The following IL7 variants were observed in gnomAD, a reference collection of about 807,000 sequenced individuals.
The protein encoded by IL7 is interleukin 7, also known as interleukin-7.
A neutral mutation model predicts 21.6 loss-of-function variants in IL7; 3 were observed. That is an observed-to-expected ratio of 0.14 (90% CI 0.06 to 0.36). The LOEUF (loss-of-function observed/expected upper bound fraction) is 0.36, where lower values mean the gene tolerates loss of function less well. Among genes scored for constraint, IL7 ranks in the 10% least tolerant of loss-of-function variants. The pLI is 1.00. For missense variants in IL7, 175 were observed against 200.2 expected (o/e 0.87, Z 0.76); for synonymous variants, 62 against 68.1 (o/e 0.91, Z 0.44).
At chr8:78,759,556 G>A (rs1425841925) in intron 2 of IL7, among the ~76,000 whole-genome samples, 1 of 152,122 alleles carries the variant, frequency 6.6e-6, no homozygotes, top group Non-Finnish European at 1.5e-5. Flanking sequence ...AAACAGCAAT[G>A]AGATGTGGAA....
intron 2 of IL7, chr8:78,760,510 T>C: frequency 1.3e-6 from 2 of 1,538,040 alleles, no homozygotes; most frequent in South Asian, 1.3e-5. Context: ...GAAGCTCAGC[T>C]GACAGCGTGT....
intron 2 of IL7, among the ~76,000 whole-genome samples, chr8:78,752,784 C>T (rs1383869655): frequency 6.6e-6 from 1 of 152,080 alleles, no homozygotes; most frequent in Non-Finnish European, 1.5e-5. Flanking sequence ...GTGATGTTCC[C>T]CTCCCTGTGC....
At chr8:78,745,406 G>T (rs192899921) in intron 2 of IL7, among the ~76,000 whole-genome samples, 8 of 152,122 alleles carry the variant, frequency 5.3e-5, no homozygotes, top group Admixed American at 2.6e-4. Flanking sequence ...TTCATTTCTG[G>T]TTTTTATTTT....
At chr8:78,780,178 C>T (rs920435893) in intron 2 of IL7, among the ~76,000 whole-genome samples, 1 of 151,838 alleles carries the variant, frequency 6.6e-6, no homozygotes, top group Non-Finnish European at 1.5e-5. Flanking sequence ...TTTTCAAAAA[C>T]CAGCTTCTGG....
At chr8:78,695,656 C>A (rs11993326) in intron 3 of IL7, among the ~76,000 whole-genome samples, 21,680 of 151,950 alleles carry the variant, frequency 0.14, 1,702 homozygotes, top group Middle Eastern at 0.28. Context: ...CTTTCTCTCT[C>A]TATATATATA....
intron 2 of IL7, among the ~76,000 whole-genome samples, chr8:78,770,252 T>C (rs772531478): frequency 6.6e-6 from 1 of 152,146 alleles, no homozygotes; most frequent in Non-Finnish European, 1.5e-5. Flanking sequence ...TTTATTATTC[T>C]TGGTACATTC....
intron 2 of IL7, among the ~76,000 whole-genome samples, chr8:78,751,364 TAAA>T: frequency 6.6e-6 from 1 of 151,968 alleles, no homozygotes; most frequent in Non-Finnish European, 1.5e-5. Flanking sequence ...ATGTTAAGAG[TAAA>T]AAACCAGTGT....
chr8:78,709,232 A>T (rs1340163091), intron 3 of IL7, among the ~76,000 whole-genome samples: 1 of 152,220 alleles, frequency 6.6e-6, no homozygotes, highest in African/African-American at 2.4e-5. Flanking sequence ...AAAGGCATGT[A>T]TGGAGCATTT....
chr8:78,793,855 A>C (rs185861890), intron 2 of IL7, among the ~76,000 whole-genome samples: 3 of 152,224 alleles, frequency 2.0e-5, no homozygotes, highest in Non-Finnish European at 4.4e-5. Context: ...TAATATCCTA[A>C]ATTTTTTCTT....
intron 2 of IL7, among the ~76,000 whole-genome samples, chr8:78,742,195 A>G (rs1294242202): frequency 6.6e-6 from 1 of 151,640 alleles, no homozygotes; most frequent in Non-Finnish European, 1.5e-5. Flanking sequence ...GTGGTGGCAC[A>G]TGCCTGTAAT....
chr8:78,687,849 TTATA>T (rs919187168), intron 3 of IL7, among the ~76,000 whole-genome samples: 2 of 88,018 alleles, frequency 2.3e-5, no homozygotes, highest in African/African-American at 5.9e-5. Context: ...ATATATATAT[TTATA>T]TAATATATAT....
chr8:78,690,936 C>T (rs1810192285), intron 3 of IL7, among the ~76,000 whole-genome samples: 1 of 152,032 alleles, frequency 6.6e-6, no homozygotes, highest in Admixed American at 6.6e-5. Flanking sequence ...ATCTTATACC[C>T]TGCTATTTTC....
intron 2 of IL7, among the ~76,000 whole-genome samples, chr8:78,740,876 T>C (rs894627764): frequency 6.6e-6 from 1 of 152,220 alleles, no homozygotes; most frequent in African/African-American, 2.4e-5. Context: ...ATTTTTTTTT[T>C]CATTTACAAG....
intron 2 of IL7, among the ~76,000 whole-genome samples, chr8:78,779,932 C>T (rs189958625): frequency 2.0e-5 from 3 of 152,280 alleles, no homozygotes; most frequent in African/African-American, 7.2e-5. Context: ...TTCGCCTATT[C>T]AAGGATTCAA....
At chr8:78,679,277 A>G (rs1809686407) in intron 4 of IL7, 1 of 152,172 alleles carries the variant, frequency 6.6e-6, no homozygotes, top group Non-Finnish European at 1.5e-5. Context: ...TCTGTTATAT[A>G]TTATAGTAAT....
intron 2 of IL7, among the ~76,000 whole-genome samples, chr8:78,783,440 G>C (rs1813408779): frequency 1.3e-5 from 2 of 151,948 alleles, no homozygotes; most frequent in South Asian, 4.1e-4. Context: ...GTCCAAATGA[G>C]AGAACCTGGA....
intron 3 of IL7, among the ~76,000 whole-genome samples, chr8:78,688,996 C>G (rs1478756872): frequency 6.8e-6 from 1 of 147,866 alleles, no homozygotes. Context: ...ACATTTGATT[C>G]AAAGCTAGAA....
chr8:78,696,510 A>T (rs1586010314), intron 3 of IL7, among the ~76,000 whole-genome samples: 1 of 152,182 alleles, frequency 6.6e-6, no homozygotes, highest in South Asian at 2.1e-4. Context: ...ATTTCTTGCT[A>T]TTGAAGCAGG....
At chr8:78,708,335 T>A (rs1348622181) in intron 3 of IL7, among the ~76,000 whole-genome samples, 1 of 152,146 alleles carries the variant, frequency 6.6e-6, no homozygotes, top group Non-Finnish European at 1.5e-5. Context: ...AGAGATTTAT[T>A]TTTACACTCA....
Sources: gnomAD v4.1 joint callset for allele counts (sites outside exome capture counted in the v4.1 genomes callset) on GRCh38, gnomAD v4.1.1 for gene constraint, MANE v1.5 for transcripts, NCBI Gene and HGNC (gene_info 2026-07-23, HGNC 2026-07-21) for gene names.